The following CRB1 variants were observed in gnomAD, a reference collection of about 807,000 sequenced individuals.
CRB1 encodes protein crumbs homolog 1.
A neutral mutation model predicts 120.0 loss-of-function variants in CRB1; 83 were observed. The observed-to-expected ratio is 0.69, with a 90% CI of 0.58 to 0.83. CRB1 has a LOEUF of 0.83. Among genes scored for constraint, CRB1 ranks in the 40% least tolerant of loss-of-function variants. The pLI, the probability that CRB1 is intolerant of heterozygous loss-of-function variation, is 0.00. For missense variants in CRB1, 1,699 were observed against 1,687.6 expected, an observed-to-expected ratio of 1.01 and a Z score of -0.12; for synonymous variants, 625 against 612.5, an observed-to-expected ratio of 1.02 and a Z score of -0.30.
At chr1:197,260,510 G>T in the CRB1 span, among the ~76,000 whole-genome samples, 1 of 151,048 alleles carries the variant, frequency 6.6e-6, no homozygotes, top group Non-Finnish European at 1.5e-5. Flanking sequence ...TAGTAAGCCT[G>T]ATAAGAAAAA....
At chr1:197,381,055 T>A (rs1460960938) in intron 5 of CRB1, among the ~76,000 whole-genome samples, 2 of 152,214 alleles carry the variant, frequency 1.3e-5, no homozygotes, top group Non-Finnish European at 2.9e-5. Flanking sequence ...CCCATTTGAA[T>A]TATTACTCTT....
intron 1 of CRB1, among the ~76,000 whole-genome samples, chr1:197,295,254 A>C (rs1393218597): frequency 1.3e-5 from 2 of 151,980 alleles, no homozygotes; most frequent in Non-Finnish European, 2.9e-5. Context: ...TAGCTGGCCC[A>C]AGGCCTGAGT....
intron 11 of CRB1, chr1:197,444,399 A>G (rs1010229228): frequency 4.6e-5 from 7 of 152,328 alleles, no homozygotes; most frequent in South Asian, 2.1e-4. Context: ...GATTTGTTCC[A>G]AAGTTAAATT....
At chr1:197,382,966 TA>T (rs1041299548) in intron 5 of CRB1, among the ~76,000 whole-genome samples, 1 of 152,174 alleles carries the variant, frequency 6.6e-6, no homozygotes, top group African/African-American at 2.4e-5. Flanking sequence ...CTGCAGGAAC[TA>T]AATTAAGGTT....
chr1:197,228,265 C>T, the CRB1 span, among the ~76,000 whole-genome samples: 14 of 152,190 alleles, frequency 9.2e-5, no homozygotes, highest in African/African-American at 2.2e-4. Flanking sequence ...TCTACTGCAT[C>T]GTCAGGCTGC....
the CRB1 span, among the ~76,000 whole-genome samples, chr1:197,209,706 A>G: frequency 1.3e-5 from 2 of 152,124 alleles, no homozygotes; most frequent in Non-Finnish European, 2.9e-5. Context: ...CGTGTGAGAC[A>G]AAGTCAGAAA....
intron 11 of CRB1, among the ~76,000 whole-genome samples, chr1:197,447,901 A>G (rs1006081877): frequency 6.6e-6 from 1 of 151,140 alleles, no homozygotes; most frequent in African/African-American, 2.4e-5. Context: ...CTTCTCTCAC[A>G]GTATCTTTTT....
At chr1:197,323,612 T>A (rs1440076206) in intron 1 of CRB1, among the ~76,000 whole-genome samples, 1 of 152,200 alleles carries the variant, frequency 6.6e-6, no homozygotes, top group Non-Finnish European at 1.5e-5. Flanking sequence ...CAAAGGAATA[T>A]AATTAGTTCC....
At chr1:197,442,071 C>T in intron 10 of CRB1, 95 bp from the exon 11 acceptor site, 1 of 1,410,260 alleles carries the variant, frequency 7.1e-7, no homozygotes. Flanking sequence ...TAAGACTGTG[C>T]TGTTCCAGAG....
chr1:197,273,544 A>G (rs1003716798), intron 1 of CRB1, among the ~76,000 whole-genome samples: 2 of 152,152 alleles, frequency 1.3e-5, no homozygotes, highest in Non-Finnish European at 2.9e-5. Context: ...ATTTACATAA[A>G]TTATTCGAAA....
intron 11 of CRB1, chr1:197,442,667 G>T (rs940649863): frequency 1.7e-5 from 11 of 665,328 alleles, no homozygotes; most frequent in Middle Eastern, 4.6e-4. Flanking sequence ...TGTGTATTTA[G>T]TACAAACATA....
chr1:197,451,927 A>G (rs1262883814), intron 11 of CRB1, among the ~76,000 whole-genome samples: 1 of 152,200 alleles, frequency 6.6e-6, no homozygotes, highest in Non-Finnish European at 1.5e-5. Context: ...TGAACTTGCA[A>G]ATATTTGACA....
At chr1:197,427,407 A>C in intron 6 of CRB1, 47 bp from the exon 7 acceptor site, 1 of 1,571,512 alleles carries the variant, frequency 6.4e-7, no homozygotes, top group Non-Finnish European at 8.7e-7. Context: ...TTTGAGCCTT[A>C]AGATGTTTCT....
At chr1:197,457,865 C>T (rs1326546323) in intron 11 of CRB1, among the ~76,000 whole-genome samples, 1 of 152,016 alleles carries the variant, frequency 6.6e-6, no homozygotes, top group Admixed American at 6.6e-5. Context: ...GAAATTAGTT[C>T]ACAAATAAGT....
At chr1:197,246,805 G>A in the CRB1 span, among the ~76,000 whole-genome samples, 1 of 152,034 alleles carries the variant, frequency 6.6e-6, no homozygotes, top group Non-Finnish European at 1.5e-5. Context: ...GTGCTACAAT[G>A]TCTGAGGTTG....
chr1:197,438,597 C>G lies in CRB1; in HGVS notation c.3800C>G (p.Thr1267Ser). Residue 1267 changes from threonine (T) to serine (S), a missense_variant, in exon 10 of 12, where the codon ACT (threonine) becomes AGT (serine). By Grantham distance (58) the Thr-to-Ser change is moderately conservative (BLOSUM62 1). Transcript: ENST00000367400. ...TVCGNEKTNL[T>S]CYNGGNCTEF... Reference sequence around the variant, plus strand: ...TGTGGGAATGAGAAGACAAATCTCACTTGCTACAATGGAGGCAACTGCACA... The same window carrying G: ...TGTGGGAATGAGAAGACAAATCTCAGTTGCTACAATGGAGGCAACTGCACA... The G allele has an allele frequency of 6.2e-7, 1 of 1,612,990 alleles. No homozygotes were observed. Among genetic ancestry groups the G allele is most frequent in the Non-Finnish European group, 8.5e-7 (1 of 1,179,128 alleles).
chr1:197,275,057 C>T (rs1052567550), intron 1 of CRB1, among the ~76,000 whole-genome samples: 7 of 151,878 alleles, frequency 4.6e-5, no homozygotes, highest in East Asian at 1.9e-4. Context: ...CATTCAGTCC[C>T]GGGTGTTTCT....
At chr1:197,420,003 AC>A (rs201162943) in intron 5 of CRB1, among the ~76,000 whole-genome samples, 25 of 150,212 alleles carry the variant, frequency 1.7e-4, no homozygotes, top group African/African-American at 3.2e-4. Flanking sequence ...AAAAAAACAA[AC>A]AAAAAAAACT....
At chr1:197,422,997 G>C (rs920310334) in intron 6 of CRB1, among the ~76,000 whole-genome samples, 1 of 152,136 alleles carries the variant, frequency 6.6e-6, no homozygotes, top group Non-Finnish European at 1.5e-5. Flanking sequence ...TGACAATGAA[G>C]TATGGTATCT....
Sources: allele counts gnomAD v4.1 joint callset (sites outside exome capture counted in the v4.1 genomes callset), GRCh38; gene constraint gnomAD v4.1.1; transcripts MANE v1.5; gene names NCBI Gene and HGNC (gene_info 2026-07-23, HGNC 2026-07-21).